WWOX: variants seen among roughly 807,000 people sequenced by gnomAD.
The protein encoded by WWOX is WW domain-containing oxidoreductase.
WWOX carries 69 observed loss-of-function variants against 46.2 expected under a neutral mutation model. The ratio of observed to expected loss-of-function variants is 1.49; its 90% CI spans 1.23 to 1.82. WWOX has a LOEUF of 1.82. Among genes scored for constraint, WWOX ranks in the 40% most tolerant of loss-of-function variants. The pLI, the probability that WWOX is intolerant of heterozygous loss-of-function variation, is 0.00. For missense variants in WWOX, 919 were observed against 542.6 expected (o/e 1.69, Z -6.89); for synonymous variants, 359 against 202.6 (o/e 1.77, Z -6.56).
At chr16:78,782,473 A>T (rs888314450) in intron 8 of WWOX, among the ~76,000 whole-genome samples, 3 of 152,118 alleles carry the variant, frequency 2.0e-5, no homozygotes, top group Non-Finnish European at 2.9e-5. Context: ...AACGATTCTA[A>T]ATACTCTCCC....
At chr16:78,914,660 A>G (rs1357669734) in intron 8 of WWOX, among the ~76,000 whole-genome samples, 1 of 151,810 alleles carries the variant, frequency 6.6e-6, no homozygotes, top group Non-Finnish European at 1.5e-5. Flanking sequence ...CGGGCAGATC[A>G]CGAGGTCAGG....
At chr16:78,401,031 G>T (rs1364970023) in intron 6 of WWOX, among the ~76,000 whole-genome samples, 1 of 152,116 alleles carries the variant, frequency 6.6e-6, no homozygotes, top group Non-Finnish European at 1.5e-5. Flanking sequence ...TGTTGTCCAG[G>T]CTGGTCTCAA....
At chr16:78,809,645 GC>G (rs1220522284) in intron 8 of WWOX, among the ~76,000 whole-genome samples, 2 of 152,028 alleles carry the variant, frequency 1.3e-5, no homozygotes, top group African/African-American at 2.4e-5. Context: ...GTACACAGGG[GC>G]CCCCCACCCC....
chr16:78,315,787 T>C (rs2151879304), intron 5 of WWOX, among the ~76,000 whole-genome samples: 1 of 152,264 alleles, frequency 6.6e-6, no homozygotes, highest in South Asian at 2.1e-4. Flanking sequence ...CATTTTCAGA[T>C]GGGTAACTCA....
chr16:79,070,646 G>A (rs2048532789), intron 8 of WWOX, among the ~76,000 whole-genome samples: 2 of 152,292 alleles, frequency 1.3e-5, no homozygotes, highest in Non-Finnish European at 1.5e-5. Flanking sequence ...GAAGTTCAGG[G>A]CGTGAGAGGG....
intron 8 of WWOX, among the ~76,000 whole-genome samples, chr16:78,858,488 A>G (rs547819051): frequency 7.9e-5 from 12 of 152,224 alleles, no homozygotes; most frequent in African/African-American, 2.9e-4. Flanking sequence ...AAAACTATAC[A>G]CATAGCTGAA....
intron 8 of WWOX, among the ~76,000 whole-genome samples, chr16:79,099,718 C>G (rs145060995): frequency 2.9e-4 from 44 of 152,136 alleles, no homozygotes; most frequent in Middle Eastern, 3.4e-3. Context: ...ATAACATGAA[C>G]TTTTTGCAGT....
intron 8 of WWOX, among the ~76,000 whole-genome samples, chr16:78,779,268 C>A (rs2050267383): frequency 6.6e-6 from 1 of 152,148 alleles, no homozygotes; most frequent in Non-Finnish European, 1.5e-5. Context: ...TCTCAGCCTC[C>A]TGAGTAGCTG....
chr16:78,117,731 G>A (rs1403952436), intron 4 of WWOX, among the ~76,000 whole-genome samples: 1 of 152,158 alleles, frequency 6.6e-6, no homozygotes, highest in South Asian at 2.1e-4. Flanking sequence ...TGAATGCCGA[G>A]TGAGTGAATT....
At chr16:78,764,385 C>G (rs995719396) in intron 8 of WWOX, among the ~76,000 whole-genome samples, 40 of 151,064 alleles carry the variant, frequency 2.6e-4, no homozygotes, top group Admixed American at 4.6e-4. Context: ...CTCCTCCAGG[C>G]CCACTTGGAG....
intron 5 of WWOX, among the ~76,000 whole-genome samples, chr16:78,275,131 A>C (rs1351256933): frequency 6.6e-6 from 1 of 152,162 alleles, no homozygotes; most frequent in African/African-American, 2.4e-5. Context: ...TAAGGATCCT[A>C]AAGAGAAGAT....
At chr16:79,122,479 C>T (rs1292317473) in intron 8 of WWOX, among the ~76,000 whole-genome samples, 1 of 152,124 alleles carries the variant, frequency 6.6e-6, no homozygotes, top group East Asian at 1.9e-4. Context: ...TTCTTTCCTT[C>T]TCTTGCTATT....
intron 8 of WWOX, among the ~76,000 whole-genome samples, chr16:78,763,707 A>G (rs577848669): frequency 6.6e-6 from 1 of 152,280 alleles, no homozygotes; most frequent in South Asian, 2.1e-4. Context: ...CGAAGTTGTT[A>G]TTTGGTATTC....
chr16:78,373,634 A>AT (rs201378338), intron 5 of WWOX, among the ~76,000 whole-genome samples: 20,637 of 146,628 alleles, frequency 0.14, 1,868 homozygotes, highest in East Asian at 0.38. Flanking sequence ...GCATAGAACT[A>AT]TTTTTTTTTT....
At chr16:78,478,548 T>G (rs1201884754) in intron 8 of WWOX, among the ~76,000 whole-genome samples, 1 of 151,854 alleles carries the variant, frequency 6.6e-6, no homozygotes, top group Non-Finnish European at 1.5e-5. Context: ...CTCTCCTCTC[T>G]CGAAGCTCCA....
At chr16:78,637,731 C>A (rs975297694) in intron 8 of WWOX, among the ~76,000 whole-genome samples, 1 of 152,196 alleles carries the variant, frequency 6.6e-6, no homozygotes. Flanking sequence ...TTGAAAGGAG[C>A]TTTAAACACC....
At chr16:78,991,149 C>G (rs1175225439) in intron 8 of WWOX, among the ~76,000 whole-genome samples, 1 of 152,198 alleles carries the variant, frequency 6.6e-6, no homozygotes, top group Non-Finnish European at 1.5e-5. Flanking sequence ...TCATTGATGG[C>G]ACATTCAGCC....
chr16:79,060,676 G>A (rs970366060), intron 8 of WWOX, among the ~76,000 whole-genome samples: 13 of 152,164 alleles, frequency 8.5e-5, no homozygotes, highest in Non-Finnish European at 1.3e-4. Context: ...AATTACGAGC[G>A]GAGCTACAAT....
At chr16:78,699,530 C>A (rs972058525) in intron 8 of WWOX, among the ~76,000 whole-genome samples, 1 of 152,150 alleles carries the variant, frequency 6.6e-6, no homozygotes. Flanking sequence ...CAGAGTGAGA[C>A]CCTGTCTCAA....
Sources: allele counts gnomAD v4.1 joint callset (sites outside exome capture counted in the v4.1 genomes callset), GRCh38; gene constraint gnomAD v4.1.1; transcripts MANE v1.5; gene names NCBI Gene and HGNC (gene_info 2026-07-23, HGNC 2026-07-21).